The following SGMS1 variants were observed in gnomAD, a reference collection of about 807,000 sequenced individuals.
The protein encoded by SGMS1 is phosphatidylcholine:ceramide cholinephosphotransferase 1.
In SGMS1, 13 loss-of-function variants were observed where a neutral mutation model predicts 46.2. The ratio of observed to expected loss-of-function variants is 0.28; its 90% CI spans 0.18 to 0.45. The LOEUF (loss-of-function observed/expected upper bound fraction) is 0.45. SGMS1 is among the 20% of genes least tolerant of loss of function. The probability of loss-of-function intolerance (pLI) is 1.00; values close to 1 mark genes in which losing one functional copy is unlikely to be tolerated. For synonymous variants in SGMS1, 203 were observed against 187.8 expected (o/e 1.08, Z -0.66); for missense variants, 324 against 519.9 (o/e 0.62, Z 3.66).
intron 6 of SGMS1, among the ~76,000 whole-genome samples, chr10:50,420,697 A>G (rs1849244029): frequency 6.6e-6 from 1 of 152,232 alleles, no homozygotes; most frequent in Admixed American, 6.5e-5. Flanking sequence ...CAAGGACAGC[A>G]GCTCTTTTAC....
intron 3 of SGMS1, among the ~76,000 whole-genome samples, chr10:50,492,778 T>C (rs1390323140): frequency 6.6e-6 from 1 of 152,170 alleles, no homozygotes; most frequent in Non-Finnish European, 1.5e-5. Context: ...ATTGATATTC[T>C]TCACAGAACT....
intron 1 of SGMS1, among the ~76,000 whole-genome samples, chr10:50,591,744 C>T (rs775301855): frequency 6.6e-6 from 1 of 152,050 alleles, no homozygotes; most frequent in Non-Finnish European, 1.5e-5. Flanking sequence ...TTTTATAAAA[C>T]GCAAAATACA....
intron 2 of SGMS1, among the ~76,000 whole-genome samples, chr10:50,557,747 G>A (rs962314668): frequency 2.0e-5 from 3 of 151,082 alleles, no homozygotes; most frequent in Non-Finnish European, 4.4e-5. Context: ...ATGAGCTTAG[G>A]AAACCTTAAT....
intron 2 of SGMS1, among the ~76,000 whole-genome samples, chr10:50,545,765 C>A (rs948471854): frequency 2.0e-5 from 3 of 151,940 alleles, no homozygotes; most frequent in Non-Finnish European, 4.4e-5. Context: ...AGAAAGAATG[C>A]GGTAGAAGAG....
intron 2 of SGMS1, among the ~76,000 whole-genome samples, chr10:50,576,862 G>T (rs1838390141): frequency 1.3e-5 from 2 of 152,176 alleles, no homozygotes; most frequent in South Asian, 4.1e-4. Context: ...CAAAAGAAAA[G>T]AATGTGAAAC....
At chr10:50,565,030 G>T (rs1293710099) in intron 2 of SGMS1, among the ~76,000 whole-genome samples, 1 of 152,086 alleles carries the variant, frequency 6.6e-6, no homozygotes, top group Admixed American at 6.5e-5. Context: ...TGAGGGTTGG[G>T]GGAAGGGTTA....
At chr10:50,476,891 G>A (rs925184624) in intron 3 of SGMS1, among the ~76,000 whole-genome samples, 9 of 152,344 alleles carry the variant, frequency 5.9e-5, no homozygotes, top group African/African-American at 2.2e-4. Context: ...GACATTATAT[G>A]GAAACATCTG....
chr10:50,364,416 GCTCCAGC>G (rs1848302494), intron 6 of SGMS1, among the ~76,000 whole-genome samples: 1 of 152,136 alleles, frequency 6.6e-6, no homozygotes, highest in Non-Finnish European at 1.5e-5. Flanking sequence ...CTTGAAGAAT[GCTCCAGC>G]CCCATCCTGC....
intron 6 of SGMS1, among the ~76,000 whole-genome samples, chr10:50,384,724 ACT>A (rs1848657674): frequency 6.6e-6 from 1 of 152,062 alleles, no homozygotes; most frequent in Non-Finnish European, 1.5e-5. Context: ...TGCTGTTATT[ACT>A]GTCATGACCC....
intron 6 of SGMS1, among the ~76,000 whole-genome samples, chr10:50,423,669 T>C (rs1849284332): frequency 2.6e-5 from 4 of 152,194 alleles, no homozygotes; most frequent in Admixed American, 2.6e-4. Context: ...CGAACTCTTA[T>C]ATAACACTTG....
rs1452396318 is a variant in SGMS1, at chr10:50,344,132, G to C, written c.-18C>G. 6.3e-7 allele frequency: 1 copy of C among 1,582,636 alleles called. No homozygotes were observed. The highest frequency in any genetic ancestry group is 1.2e-5 in the South Asian group (1 of 86,062). ...TCCTTCATTGTACTGGCAGACAGCA[G>C]GCAGTCCCCAGCTCTCTCTTGGCAG... On this transcript the variant is annotated 5_prime_UTR_variant, in exon 7 of 11. Transcript: ENST00000361781.
intron 1 of SGMS1, among the ~76,000 whole-genome samples, chr10:50,614,360 CAT>C (rs1455940187): frequency 2.0e-5 from 3 of 152,208 alleles, no homozygotes. Flanking sequence ...AACAGGACCA[CAT>C]GAGTTCAGTT....
intron 5 of SGMS1, among the ~76,000 whole-genome samples, chr10:50,450,669 C>T (rs1480483080): frequency 6.6e-6 from 1 of 152,088 alleles, no homozygotes; most frequent in South Asian, 2.1e-4. Context: ...ATATCCAACA[C>T]ATTTTTAAAT....
In SGMS1 at chr10:50,408,039, T is replaced by C. The variant is rs2133560221; in HGVS notation, c.-232+25437A>G. Among the ~76,000 whole-genome samples, 3 of 152,332 alleles carry C rather than the reference T, an allele frequency of 2.0e-5. 1 individual carries two copies. In the Middle Eastern group the frequency reaches 0.01, roughly 518 times the overall value. ...AGATGATGGAATGGTTCTGTATCTGTTCTACATAATATGATAGCCACTAAC... is the reference window on the plus strand; with the variant it reads ...AGATGATGGAATGGTTCTGTATCTGCTCTACATAATATGATAGCCACTAAC... On this transcript the variant is annotated intron_variant, in intron 6 of 10. Transcript: ENST00000361781.
intron 6 of SGMS1, among the ~76,000 whole-genome samples, chr10:50,406,516 C>T (rs528717757): frequency 2.6e-5 from 4 of 152,104 alleles, no homozygotes; most frequent in Non-Finnish European, 4.4e-5. Context: ...GAATCAAGGA[C>T]GTGTCCTCTC....
At chr10:50,426,340 A>G (rs1387504876) in intron 6 of SGMS1, among the ~76,000 whole-genome samples, 1 of 152,258 alleles carries the variant, frequency 6.6e-6, no homozygotes, top group Non-Finnish European at 1.5e-5. Flanking sequence ...TATAAATGCA[A>G]TGGACACATT....
intron 3 of SGMS1, among the ~76,000 whole-genome samples, chr10:50,503,781 G>A (rs921557483): frequency 3.3e-5 from 5 of 152,146 alleles, no homozygotes; most frequent in Non-Finnish European, 4.4e-5. Context: ...TCACTGCCCC[G>A]TGCAGACACA....
chr10:50,533,839 T>G (rs1357807223), intron 2 of SGMS1, among the ~76,000 whole-genome samples: 3 of 152,150 alleles, frequency 2.0e-5, no homozygotes, highest in Non-Finnish European at 4.4e-5. Context: ...AATGAACACA[T>G]GGTTAAATGA....
chr10:50,414,630 T>C (rs1344534381), intron 6 of SGMS1, among the ~76,000 whole-genome samples: 1 of 152,236 alleles, frequency 6.6e-6, no homozygotes, highest in Admixed American at 6.5e-5. Context: ...TTATTACTAT[T>C]ATTTGTATTT....
Sources: gnomAD v4.1 joint callset for allele counts (sites outside exome capture counted in the v4.1 genomes callset) on GRCh38, gnomAD v4.1.1 for gene constraint, MANE v1.5 for transcripts, NCBI Gene and HGNC (gene_info 2026-07-23, HGNC 2026-07-21) for gene names.